CSNK1A1: variants seen among roughly 807,000 people sequenced by gnomAD.
The protein encoded by CSNK1A1 is casein kinase I isoform alpha.
A neutral mutation model predicts 46.1 loss-of-function variants in CSNK1A1; 7 were observed. That is an observed-to-expected ratio of 0.15 (90% CI 0.09 to 0.29). CSNK1A1 has a LOEUF of 0.29. CSNK1A1 is among the 10% of genes least tolerant of loss of function. The pLI is 1.00. For missense variants in CSNK1A1, 96 were observed against 417.1 expected (o/e 0.23, Z 6.71); for synonymous variants, 137 against 141.5 (o/e 0.97, Z 0.23).
chr5:149,537,458 T>TA (rs1270691754), intron 2 of CSNK1A1, among the ~76,000 whole-genome samples: 2 of 152,010 alleles, frequency 1.3e-5, no homozygotes, highest in Non-Finnish European at 2.9e-5. Context: ...ACAACAGCCA[T>TA]AGCACTCAGC....
chr5:149,514,248 A>C (rs756451124), intron 4 of CSNK1A1, among the ~76,000 whole-genome samples: 3 of 152,246 alleles, frequency 2.0e-5, no homozygotes, highest in African/African-American at 2.4e-5. Flanking sequence ...TATGGTACTC[A>C]GGGAATAAGG....
chr5:149,544,921 A>C (rs2113197693), intron 2 of CSNK1A1, among the ~76,000 whole-genome samples: 2 of 150,848 alleles, frequency 1.3e-5, no homozygotes, highest in East Asian at 3.9e-4. Context: ...GGATCATCTG[A>C]GGTCAGGAGT....
At chr5:149,499,992 G>A (rs1251378439) in intron 9 of CSNK1A1, among the ~76,000 whole-genome samples, 1 of 114,114 alleles carries the variant, frequency 8.8e-6, no homozygotes, top group Non-Finnish European at 1.7e-5. Context: ...TTTTTGAGAC[G>A]GAGTCTCGCT....
chr5:149,501,334 G>A, intron 9 of CSNK1A1: 2 of 985,406 alleles, frequency 2.0e-6, no homozygotes, highest in South Asian at 9.4e-5. Flanking sequence ...TCTTAGAATT[G>A]AGTGTATTCA....
intron 2 of CSNK1A1, among the ~76,000 whole-genome samples, chr5:149,544,504 AAAATT>A (rs1762401377): frequency 1.2e-5 from 1 of 82,742 alleles, no homozygotes; most frequent in African/African-American, 6.9e-5. Flanking sequence ...CTATATAAAA[AAAATT>A]TAAAAAAATT....
intron 9 of CSNK1A1, 131 bp from the exon 10 acceptor site, chr5:149,496,991 A>G (rs1479541608): frequency 1.4e-6 from 2 of 1,456,018 alleles, no homozygotes; most frequent in East Asian, 2.5e-5. Context: ...TCTCTTGTGA[A>G]AAGTATTAGC....
intron 2 of CSNK1A1, chr5:149,545,769 T>G (rs1762460018): frequency 1.3e-5 from 8 of 620,472 alleles, no homozygotes; most frequent in South Asian, 1.1e-4. Context: ...CAGGACTGGT[T>G]GTGTGTGGTG....
intron 9 of CSNK1A1, chr5:149,499,326 TAAAAC>T: frequency 1.4e-6 from 1 of 725,186 alleles, no homozygotes; most frequent in African/African-American, 1.9e-5. Context: ...AGGGGGGAGT[TAAAAC>T]AGAGTTGGAG....
chr5:149,513,875 G>C (rs1385404605), intron 4 of CSNK1A1, among the ~76,000 whole-genome samples: 1 of 150,884 alleles, frequency 6.6e-6, no homozygotes, highest in Non-Finnish European at 1.5e-5. Flanking sequence ...ACTCCAGCCT[G>C]GGTGACAGAG....
At chr5:149,526,650 T>C (rs1304220146) in intron 2 of CSNK1A1, among the ~76,000 whole-genome samples, 1 of 152,176 alleles carries the variant, frequency 6.6e-6, no homozygotes, top group Non-Finnish European at 1.5e-5. Flanking sequence ...AAGATAACTA[T>C]ACAGATGTGC....
At chr5:149,536,539 T>TATA (rs1384830913) in intron 2 of CSNK1A1, among the ~76,000 whole-genome samples, 27 of 152,322 alleles carry the variant, frequency 1.8e-4, no homozygotes, top group African/African-American at 6.5e-4. Flanking sequence ...CAAAGTTTGA[T>TATA]ATGTTTGTTT....
intron 2 of CSNK1A1, among the ~76,000 whole-genome samples, chr5:149,548,677 G>A (rs1007792250): frequency 1.3e-5 from 2 of 152,046 alleles, no homozygotes; most frequent in African/African-American, 2.4e-5. Context: ...CCTGGCCAAC[G>A]TGGTGAAACT....
chr5:149,542,728 C>T (rs1405837079), intron 2 of CSNK1A1, among the ~76,000 whole-genome samples: 5 of 118,394 alleles, frequency 4.2e-5, no homozygotes, highest in Non-Finnish European at 5.1e-5. Context: ...CAGAGGCTCG[C>T]TCTGTCACCC....
chr5:149,524,529 A>T (rs10058728), intron 3 of CSNK1A1, among the ~76,000 whole-genome samples: 98,107 of 151,940 alleles, frequency 0.65, 32,976 homozygotes, highest in East Asian at 0.99. Context: ...TCATGACATC[A>T]CCAAAATTTC....
At chr5:149,541,937 T>A (rs1359410091) in intron 2 of CSNK1A1, among the ~76,000 whole-genome samples, 1 of 115,826 alleles carries the variant, frequency 8.6e-6, no homozygotes, top group East Asian at 3.0e-4. Context: ...CGCCATTGCA[T>A]CCCAGCCTGG....
chr5:149,530,086 A>G (rs982113856), intron 2 of CSNK1A1, among the ~76,000 whole-genome samples: 2 of 152,184 alleles, frequency 1.3e-5, no homozygotes, highest in African/African-American at 4.8e-5. Flanking sequence ...CCAGGACAAA[A>G]TAACAGTAAA....
In CSNK1A1 at chr5:149,534,480, C is replaced by G. The variant is rs1258182892; in HGVS notation, c.231-9309G>C. Among the ~76,000 whole-genome samples, 4 of 27,026 alleles carry G rather than the reference C, an allele frequency of 1.5e-4. No homozygotes were observed. In the Admixed American group the frequency reaches 2.7e-3, roughly 19 times the overall value. The allele number at this position is 27,026 out of a possible 152,430, so 17.7% of individuals were successfully genotyped here. The stretch of plus-strand genomic sequence containing the variant: ...GCCTGGCGACAGAGCGAGACTCTGT[C>G]TCAAAAAAAAAAAAAAAAAAAAAAA... On this transcript the variant is annotated intron_variant, in intron 2 of 9. Transcript: ENST00000377843.
intron 2 of CSNK1A1, among the ~76,000 whole-genome samples, chr5:149,540,120 T>C (rs577087155): frequency 8.5e-5 from 13 of 152,200 alleles, no homozygotes; most frequent in Non-Finnish European, 1.5e-4. Flanking sequence ...ACTGATTCCA[T>C]CAATATATAC....
In CSNK1A1 at chr5:149,494,753, A is replaced by G. The variant is rs1760607749; in HGVS notation, c.*2100T>C. ...CGATATACCAGGACAAAAAACACCT[A>G]TATTTTGATTTACAAAGCTAACAGC... On this transcript the variant is annotated 3_prime_UTR_variant, in exon 10 of 10. Coordinates refer to ENST00000377843, the MANE Select transcript of CSNK1A1 (RefSeq NM_001892.6). The G allele has an allele frequency of 6.6e-6, 1 of 152,218 alleles. No individual in the cohort carries two copies. The highest frequency in any genetic ancestry group is 2.4e-5 in the African/African-American group (1 of 41,460). 9.4% of individuals were successfully genotyped at this position (152,218 alleles called of 1,614,324 possible).
Sources: allele counts gnomAD v4.1 joint callset (sites outside exome capture counted in the v4.1 genomes callset), GRCh38; gene constraint gnomAD v4.1.1; transcripts MANE v1.5; gene names NCBI Gene and HGNC (gene_info 2026-07-23, HGNC 2026-07-21).